The following SNRNP200 variants were observed in gnomAD, a reference collection of about 807,000 sequenced individuals.
The protein encoded by SNRNP200 is small nuclear ribonucleoprotein U5 subunit 200, also known as U5 small nuclear ribonucleoprotein 200 kDa helicase.
A neutral mutation model predicts 255.2 loss-of-function variants in SNRNP200; 66 were observed. That is an observed-to-expected ratio of 0.26 (90% CI 0.21 to 0.32). The LOEUF (loss-of-function observed/expected upper bound fraction) is 0.32. SNRNP200 is among the 10% of genes least tolerant of loss of function. The pLI is 1.00. For synonymous variants in SNRNP200, 939 were observed against 1,027.8 expected (o/e 0.91, Z 1.65); for missense variants, 1,585 against 2,749.8 (o/e 0.58, Z 9.47).
intron 2 of SNRNP200, among the ~76,000 whole-genome samples, chr2:96,303,603 C>T (rs1574002790): frequency 6.6e-6 from 1 of 152,110 alleles, no homozygotes; most frequent in African/African-American, 2.4e-5. Flanking sequence ...AAAATACAAC[C>T]CTTTGGCCAG....
chr2:96,286,226 G>T lies in SNRNP200; in HGVS notation c.4003+85C>A. The T allele has an allele frequency of 7.1e-7, 1 of 1,398,986 alleles. No individual in the cohort carries two copies. Among genetic ancestry groups the T allele is most frequent in the Non-Finnish European group, 1.0e-6 (1 of 985,626 alleles). The allele number at this position is 1,398,986 out of a possible 1,614,324, so 86.7% of individuals were successfully genotyped here. A position where few individuals can be genotyped will look rare whatever the true frequency, so the allele number is the denominator to read the frequency against. On this transcript the variant is annotated intron_variant, in intron 29 of 44. Transcript: ENST00000323853. This position sits in a 1 kb window ranked among gnomAD's most constrained non-coding sequence, Gnocchi z 4.8. Reference sequence around the variant, plus strand: ...GCTCCCAGACCTCCCAAGTGCCTGAGCACCCCCACTCCCCTGCCTGCCACA... The same window carrying T: ...GCTCCCAGACCTCCCAAGTGCCTGATCACCCCCACTCCCCTGCCTGCCACA...
At chr2:96,304,990 A>C (rs1232703300) in intron 1 of SNRNP200, 122 bp from the exon 2 acceptor site, 7 of 1,123,514 alleles carry the variant, frequency 6.2e-6, no homozygotes, top group Non-Finnish European at 7.9e-6. Flanking sequence ...TAATCGTAAT[A>C]AAAATATATT....
In SNRNP200 at chr2:96,295,480, C is replaced by G; in HGVS notation, c.1842+8G>C. 6.2e-7 allele frequency: 1 copy of G among 1,613,560 alleles called. No individual in the cohort carries two copies. Among genetic ancestry groups the G allele is most frequent in the Non-Finnish European group, 8.5e-7 (1 of 1,179,994 alleles). On this transcript the variant is annotated splice_region_variant and intron_variant, in intron 14 of 44. Coordinates refer to ENST00000323853, the MANE Select transcript of SNRNP200 (RefSeq NM_014014.5). ...GGACTCTATATTCTACGACTGCTCC[C>G]AACTCACCAGAATGATGAGCCGCAC...
Position 96,290,433 on chromosome 2 carries a change from A to G in SNRNP200, c.2635T>C (p.Tyr879His), listed in dbSNP as rs1250733686. 1 of 1,614,084 alleles carries G rather than the reference A, an allele frequency of 6.2e-7. No homozygotes were observed. ...LITSHGELQY[Y>H]LSLLNQQLPI... The stretch of plus-strand genomic sequence containing the variant: ...AGTTGTTGATTGAGGAGGGACAGGT[A>G]GTACTGTAGCTCCCCATGAGATGTG... The change falls in exon 20 of 45, where the codon TAC becomes CAC. Residue 879 changes from tyrosine to histidine, a missense_variant. Around this residue, in one of 9 missense-constraint regions of SNRNP200, gnomAD observed 719 missense variants for 1,091.1 expected, o/e 0.66. Coordinates refer to ENST00000323853, the MANE Select transcript of SNRNP200 (RefSeq NM_014014.5). The surrounding 1 kb of genome is among the most constrained non-coding windows in gnomAD (Gnocchi z 4.5).
At position 96,286,194 on chromosome 2, in the gene SNRNP200, C is replaced by T; in HGVS notation, c.4003+117G>A. 1.9e-6 allele frequency: 2 copies of T among 1,030,652 alleles called. No individual in the cohort carries two copies. The highest frequency in any genetic ancestry group is 3.1e-6 in the Non-Finnish European group (2 of 651,798). 63.8% of individuals were successfully genotyped at this position (1,030,652 alleles called of 1,614,324 possible). On this transcript the variant is annotated intron_variant, in intron 29 of 44. Coordinates refer to ENST00000323853, the MANE Select transcript of SNRNP200 (RefSeq NM_014014.5). This position sits in a 1 kb window ranked among gnomAD's most constrained non-coding sequence, Gnocchi z 4.8. Reference sequence around the variant, plus strand: ...GTCCTGGTGGGTCCCAGCGGTCACACTGAGGAGCTCCCAGACCTCCCAAGT... The same window carrying T: ...GTCCTGGTGGGTCCCAGCGGTCACATTGAGGAGCTCCCAGACCTCCCAAGT...
At position 96,297,041 on chromosome 2, in the gene SNRNP200, C is replaced by T. The variant is rs767584975; in HGVS notation, c.1407G>A (p.Lys469=). 4 of 1,614,092 alleles carry T rather than the reference C, an allele frequency of 2.5e-6. No homozygotes were observed. The highest frequency in any genetic ancestry group is 2.7e-5 in the African/African-American group (2 of 74,940). ...AGCCCTCAAACCCAGCCTGGGCATA[C>T]TTTGGCAGCTTTTCCACTGGAAGCA... The part of the protein sequence containing the change: ...EQLLPVEKLP[K]YAQAGFEGFK... The change falls in exon 12 of 45, where the codon AAG becomes AAA. Residue 469 remains lysine (K), a synonymous_variant. Coordinates refer to ENST00000323853, the MANE Select transcript of SNRNP200 (RefSeq NM_014014.5).
At chr2:96,289,009 T>C (rs2063867293) in intron 23 of SNRNP200, 28 bp downstream of exon 23, 3 of 1,578,898 alleles carry the variant, frequency 1.9e-6, no homozygotes, top group Non-Finnish European at 2.6e-6. Flanking sequence ...TCCTCATCCT[T>C]ATCAAAGCAA....
Position 96,287,243 on chromosome 2 carries a change from G to T in SNRNP200, c.3485-83C>A. 3.2e-6 allele frequency: 5 copies of T among 1,539,294 alleles called. No homozygotes were observed. Among genetic ancestry groups the T allele is most frequent in the Non-Finnish European group, 4.5e-6 (5 of 1,112,966 alleles). On this transcript the variant is annotated intron_variant, in intron 26 of 44. Transcript: ENST00000323853. The surrounding 1 kb of genome is among the most constrained non-coding windows in gnomAD (Gnocchi z 5.7). The stretch of plus-strand genomic sequence containing the variant: ...TGGGCCTGAGGGCCACTGTGGGAAA[G>T]GGGTAGGGTCTTCCCTTTATGGTCA...
intron 6 of SNRNP200, 22 bp downstream of exon 6, chr2:96,299,307 A>C (rs760772425): frequency 6.2e-7 from 1 of 1,605,068 alleles, no homozygotes; most frequent in African/African-American, 1.3e-5. Context: ...TGTAGCAATG[A>C]GGAAGAGCAA....
chr2:96,296,838 A>G (rs1188227114), intron 12 of SNRNP200, 95 bp downstream of exon 12: 28 of 1,550,448 alleles, frequency 1.8e-5, no homozygotes, highest in Non-Finnish European at 2.2e-5. Context: ...CAAAGGACAA[A>G]GAATTAGGGG....
intron 5 of SNRNP200, among the ~76,000 whole-genome samples, chr2:96,300,417 T>C (rs930515497): frequency 6.6e-6 from 1 of 152,166 alleles, no homozygotes; most frequent in African/African-American, 2.4e-5. Context: ...GTATACACTG[T>C]ACTTTAACTT....
In SNRNP200 at chr2:96,305,503, A is replaced by G; in HGVS notation, c.-66T>C. 1 of 1,604,930 alleles carries G rather than the reference A, an allele frequency of 6.2e-7. No individual in the cohort carries two copies. The highest frequency in any genetic ancestry group is 8.5e-7 in the Non-Finnish European group (1 of 1,173,942). On this transcript the variant is annotated 5_prime_UTR_variant, in exon 1 of 45. Transcript: ENST00000323853. ...TACCGCAAGCTGCAAACGGCCGCAG[A>G]TCTCTGCTCCCGCCGCGCCGGAACG...
intron 5 of SNRNP200, among the ~76,000 whole-genome samples, chr2:96,300,067 T>C (rs971408282): frequency 1.3e-5 from 2 of 152,254 alleles, no homozygotes; most frequent in South Asian, 2.1e-4. Context: ...AACTCAGAAG[T>C]CTTGGCTCCT....
At chr2:96,296,472 G>T in intron 13 of SNRNP200, 64 bp downstream of exon 13, 2 of 1,541,652 alleles carry the variant, frequency 1.3e-6, no homozygotes, top group Non-Finnish European at 1.8e-6. Flanking sequence ...TGAGGTCCAG[G>T]CCTGTCCACA....
rs539528597 is a variant in SNRNP200, at chr2:96,286,186, C to T, written c.4003+125G>A. The T allele has an allele frequency of 3.2e-5, 30 of 924,902 alleles. 1 individual carries two copies. The highest frequency in any genetic ancestry group is 3.0e-4 in the South Asian group (23 of 76,596). 57.3% of individuals were successfully genotyped at this position (924,902 alleles called of 1,614,324 possible). On this transcript the variant is annotated intron_variant, in intron 29 of 44. Transcript: ENST00000323853. The surrounding 1 kb of genome is among the most constrained non-coding windows in gnomAD (Gnocchi z 4.8). Reference sequence around the variant, plus strand: ...AGGAAAAAGTCCTGGTGGGTCCCAGCGGTCACACTGAGGAGCTCCCAGACC... The same window carrying T: ...AGGAAAAAGTCCTGGTGGGTCCCAGTGGTCACACTGAGGAGCTCCCAGACC...
In SNRNP200 at chr2:96,286,631, T is replaced by A; in HGVS notation, c.3829+57A>T. The A allele has an allele frequency of 6.2e-7, 1 of 1,603,086 alleles. No individual in the cohort carries two copies. Among genetic ancestry groups the A allele is most frequent in the Non-Finnish European group, 8.5e-7 (1 of 1,172,286 alleles). On this transcript the variant is annotated intron_variant, in intron 28 of 44. Coordinates refer to ENST00000323853, the MANE Select transcript of SNRNP200 (RefSeq NM_014014.5). This position sits in a 1 kb window ranked among gnomAD's most constrained non-coding sequence, Gnocchi z 4.8. ...CAAGCCCGGGACAAAGTGCAAGACA[T>A]TCTTCTACTGTCCTTGGAGGGACTG...
In SNRNP200 at chr2:96,278,489, C is replaced by T; in HGVS notation, c.5488+58G>A. The T allele has an allele frequency of 1.9e-6, 3 of 1,611,328 alleles. No homozygotes were observed. The highest frequency in any genetic ancestry group is 1.7e-4 in the Middle Eastern group (1 of 6,052). On this transcript the variant is annotated intron_variant, in intron 38 of 44. Transcript: ENST00000323853. The surrounding 1 kb of genome is among the most constrained non-coding windows in gnomAD (Gnocchi z 6.9). The stretch of plus-strand genomic sequence containing the variant: ...CGGGCGCACCTCTCATCCCAGTGGG[C>T]TCCTGACCCGTGTAAAAAGGCTCCC...
chr2:96,284,617 C>G, intron 30 of SNRNP200, 32 bp from the exon 31 acceptor site: 1 of 1,445,630 alleles, frequency 6.9e-7, no homozygotes, highest in Non-Finnish European at 9.7e-7. Context: ...CAGAACAACA[C>G]TAGGCCATAC....
Position 96,278,060 on chromosome 2 carries a change from G to C in SNRNP200, c.5611-110C>G, listed in dbSNP as rs1573988216. Reference sequence around the variant, plus strand: ...CTCACACAGCCCTTCAACACCCTGAGGCATGTGGGTGGTAATGGGATGGAG... The same window carrying C: ...CTCACACAGCCCTTCAACACCCTGACGCATGTGGGTGGTAATGGGATGGAG... On this transcript the variant is annotated intron_variant, in intron 39 of 44. Transcript: ENST00000323853. This position sits in a 1 kb window ranked among gnomAD's most constrained non-coding sequence, Gnocchi z 6.9. The C allele has an allele frequency of 1.3e-6, 2 of 1,544,850 alleles. No individual in the cohort carries two copies. Among genetic ancestry groups the C allele is most frequent in the African/African-American group, 1.4e-5 (1 of 73,558 alleles).
Sources: allele counts gnomAD v4.1 joint callset (sites outside exome capture counted in the v4.1 genomes callset), GRCh38; gene constraint gnomAD v4.1.1; regional missense constraint gnomAD v4.1.1; non-coding constraint Gnocchi (gnomAD v3.1); transcripts MANE v1.5; gene names NCBI Gene and HGNC (gene_info 2026-07-23, HGNC 2026-07-21).